The following FMN1 variants were observed in gnomAD, a reference collection of about 807,000 sequenced individuals.
FMN1 encodes the protein formin-1.
A neutral mutation model predicts 132.4 loss-of-function variants in FMN1; 110 were observed. The observed-to-expected ratio is 0.83, with a 90% CI of 0.71 to 0.97. The LOEUF (loss-of-function observed/expected upper bound fraction) is 0.97, where lower values mean the gene tolerates loss of function less well. Among genes scored for constraint, FMN1 ranks in the 50% least tolerant of loss-of-function variants. The pLI is 0.00. For missense variants in FMN1, 1,792 were observed against 1,705.3 expected (o/e 1.05, Z -0.90); for synonymous variants, 722 against 651.7 (o/e 1.11, Z -1.64).
intron 4 of FMN1, among the ~76,000 whole-genome samples, chr15:33,138,497 T>G (rs956179874): frequency 6.6e-6 from 1 of 152,148 alleles, no homozygotes; most frequent in African/African-American, 2.4e-5. Context: ...AGCGAGATAC[T>G]GCCACCTTCC....
intron 3 of FMN1, 88 bp from the exon 4 acceptor site, chr15:33,155,133 T>G (rs2140288201): frequency 2.1e-6 from 1 of 485,418 alleles, no homozygotes; most frequent in East Asian, 3.4e-5. Flanking sequence ...AACCATGACT[T>G]ATCCTTCCTC....
At chr15:32,899,807 CTCTT>C in intron 14 of FMN1, 168 bp downstream of exon 14, 1 of 638,872 alleles carries the variant, frequency 1.6e-6, no homozygotes, top group Admixed American at 2.9e-5. Flanking sequence ...CCAAACAAAA[CTCTT>C]TATTCGAAAG....
chr15:33,149,988 A>G (rs1964378967), intron 4 of FMN1: 6 of 985,214 alleles, frequency 6.1e-6, no homozygotes, highest in African/African-American at 1.7e-5. Flanking sequence ...TCATGGGCAC[A>G]AGAATTGATC....
intron 4 of FMN1, among the ~76,000 whole-genome samples, chr15:33,115,356 T>TA (rs1480017645): frequency 6.6e-6 from 1 of 152,072 alleles, no homozygotes; most frequent in Non-Finnish European, 1.5e-5. Context: ...CATGTACACA[T>TA]AAAAGAATGT....
At chr15:33,176,583 A>G (rs1377526222) in intron 3 of FMN1, among the ~76,000 whole-genome samples, 1 of 150,632 alleles carries the variant, frequency 6.6e-6, no homozygotes, top group Non-Finnish European at 1.5e-5. Context: ...ACTATTTCAC[A>G]TGGATAATTT....
rs560801995 is a variant in FMN1, at chr15:33,024,052, T to A, written c.2162-15977A>T. On this transcript the variant is annotated intron_variant, in intron 6 of 20. Coordinates refer to ENST00000616417, the MANE Select transcript of FMN1 (RefSeq NM_001277313.2). ...ATCCAGAATAAAGAAATCCTATAAA[T>A]AAATAAAAAGGATAGCAACCATTAG... Among the ~76,000 whole-genome samples, 164 of 151,676 alleles carry A rather than the reference T, an allele frequency of 1.1e-3. 6 individuals carry two copies. The highest frequency in any genetic ancestry group is 1.2e-3 in the East Asian group (6 of 5,162).
chr15:33,164,518 C>T (rs910978026), intron 3 of FMN1, among the ~76,000 whole-genome samples: 2 of 152,176 alleles, frequency 1.3e-5, no homozygotes, highest in Non-Finnish European at 2.9e-5. Context: ...TACAAACCAA[C>T]CCACACAGAT....
At chr15:32,820,934 C>T (rs556922945) in intron 17 of FMN1, among the ~76,000 whole-genome samples, 1 of 151,942 alleles carries the variant, frequency 6.6e-6, no homozygotes, top group East Asian at 1.9e-4. Context: ...CTGATTAAAT[C>T]ATTTGCAAGA....
At chr15:33,126,169 A>G (rs1018861858) in intron 4 of FMN1, among the ~76,000 whole-genome samples, 4 of 152,160 alleles carry the variant, frequency 2.6e-5, no homozygotes, top group Admixed American at 2.6e-4. Context: ...CATGAGGAGC[A>G]TACATCCTCA....
rs530717329 is a variant in FMN1, at chr15:32,813,255, T to C, written c.3929-8923A>G. On this transcript the variant is annotated intron_variant, in intron 17 of 20. Coordinates refer to ENST00000616417, the MANE Select transcript of FMN1 (RefSeq NM_001277313.2). ...CTCCACGGATACTGAGGGATGACCA[T>C]AATCTCAAACACTTAACCACATTAT... 1.1e-4 allele frequency among the ~76,000 whole-genome samples: 16 copies of C among 152,280 alleles called. No homozygotes were observed. The East Asian group carries it at 1.2e-3, about 11-fold the overall frequency.
In FMN1 at chr15:32,774,341, C is replaced by A; in HGVS notation, c.4229G>T (p.Arg1410Leu). 6.3e-7 allele frequency: 1 copy of A among 1,599,508 alleles called. No homozygotes were observed. The highest frequency in any genetic ancestry group is 8.5e-7 in the Non-Finnish European group (1 of 1,172,886). Residue 1410 changes from arginine (R) to leucine (L), a missense_variant, in exon 21 of 21, where the codon CGT becomes CTT. Physicochemically the swap from Arg to Leu is moderately radical, Grantham distance 102. This residue lies in a region of FMN1 where 1,150 missense variants were observed against 1,043.1 expected (regional missense o/e 1.10). Coordinates refer to ENST00000616417, the MANE Select transcript of FMN1 (RefSeq NM_001277313.2). Reference protein sequence around the residue: ...NPTASLKERLRQKEASVTTN With the variant: ...NPTASLKERLLQKEASVTTN ...AGTGGTCACACTGGCTTCCTTCTGACGCAGTCTTTCTTTCTGTTAAGGAAA... is the reference window on the plus strand; with the variant it reads ...AGTGGTCACACTGGCTTCCTTCTGAAGCAGTCTTTCTTTCTGTTAAGGAAA...
chr15:33,089,050 T>C, intron 4 of FMN1, 76 bp from the exon 5 acceptor site: 1 of 1,254,600 alleles, frequency 8.0e-7, no homozygotes, highest in Middle Eastern at 2.6e-4. Flanking sequence ...TTTGGGGAAC[T>C]CCTACATAGA....
chr15:33,008,730 T>TA (rs995362123), intron 6 of FMN1, among the ~76,000 whole-genome samples: 58 of 152,284 alleles, frequency 3.8e-4, no homozygotes, highest in African/African-American at 1.4e-3. Flanking sequence ...AGCCAACCAC[T>TA]AAAACTATCA....
Position 32,783,784 on chromosome 15 carries a change from A to AAG in FMN1, c.4131-6866_4131-6865insCT, listed in dbSNP as rs1491184174. 8.5e-4 allele frequency among the ~76,000 whole-genome samples: 90 copies of AAG among 105,866 alleles called. 29 individuals carry two copies. Among genetic ancestry groups the AAG allele is most frequent in the Non-Finnish European group, 1.1e-3 (57 of 51,760 alleles). 69.5% of individuals were successfully genotyped at this position (105,866 alleles called of 152,430 possible). ...AAAAAAAAAAAAAAAAAAAAAAAAA[A>AAG]TAGTTGAAGTGGCGTGGCTTTCCAT... is the stretch of plus-strand genomic sequence containing the variant. On this transcript the variant is annotated intron_variant, in intron 19 of 20. Transcript: ENST00000616417.
chr15:33,136,105 T>C (rs543037322), intron 4 of FMN1, among the ~76,000 whole-genome samples: 4 of 152,230 alleles, frequency 2.6e-5, no homozygotes, highest in Non-Finnish European at 4.4e-5. Flanking sequence ...ACTACTTAAG[T>C]TCAGAGCAGA....
intron 6 of FMN1, among the ~76,000 whole-genome samples, chr15:33,017,310 A>C (rs910342897): frequency 6.6e-6 from 1 of 151,644 alleles, no homozygotes; most frequent in African/African-American, 2.4e-5. Context: ...TAAACTGTGG[A>C]CTTTAGTTAA....
In FMN1 at chr15:33,064,700, C is replaced by G. The variant is rs73378516; in HGVS notation, c.2161+257G>C. The G allele has an allele frequency of 2.3e-3, 632 of 270,192 alleles. 2 individuals are homozygous for G. Among genetic ancestry groups the G allele is most frequent in the African/African-American group, 0.013 (604 of 45,286 alleles). The allele number at this position is 270,192 out of a possible 1,614,324, so 16.7% of individuals were successfully genotyped here. A position where few individuals can be genotyped will look rare whatever the true frequency, so the allele number is the denominator to read the frequency against. ...GGGATTTGCAATCTACCTTCTCCATCAGGTCCCCCAAGGTTCTCCTACTTC... is the reference window on the plus strand; with the variant it reads ...GGGATTTGCAATCTACCTTCTCCATGAGGTCCCCCAAGGTTCTCCTACTTC... On this transcript the variant is annotated intron_variant, in intron 6 of 20. Coordinates refer to ENST00000616417, the MANE Select transcript of FMN1 (RefSeq NM_001277313.2).
chr15:33,188,094 G>A (rs1209832465), intron 2 of FMN1, among the ~76,000 whole-genome samples: 1 of 152,118 alleles, frequency 6.6e-6, no homozygotes, highest in Admixed American at 6.6e-5. Flanking sequence ...CAGCACTTTG[G>A]GAGGCCGAGG....
In FMN1 at chr15:33,154,489, C is replaced by G. The variant is rs1278830028; in HGVS notation, c.426G>C (p.Glu142Asp). ...TCTTATTGAGAGGGCCCACGGGGAG[C>G]TCTCCCTGCCAGTCACCAGCACTCT... ...CFQSAGDWQG[E>D]LPVGPLNKRS... Residue 142 changes from glutamate (E) to aspartate (D), a missense_variant, in exon 4 of 21, where the codon GAG (glutamate) becomes GAC (aspartate). Coordinates refer to ENST00000616417, the MANE Select transcript of FMN1 (RefSeq NM_001277313.2). 5.2e-6 allele frequency: 8 copies of G among 1,535,782 alleles called. No homozygotes were observed. The highest frequency in any genetic ancestry group is 1.4e-5 in the African/African-American group (1 of 72,880).
Sources: gnomAD v4.1 joint callset for allele counts (sites outside exome capture counted in the v4.1 genomes callset) on GRCh38, gnomAD v4.1.1 for gene constraint, gnomAD v4.1.1 regional missense constraint, MANE v1.5 for transcripts, NCBI Gene and HGNC (gene_info 2026-07-23, HGNC 2026-07-21) for gene names.